COQ4: variants seen among roughly 807,000 people sequenced by gnomAD.
The protein encoded by COQ4 is ubiquinone biosynthesis protein COQ4 homolog, mitochondrial.
A neutral mutation model predicts 30.2 loss-of-function variants in COQ4; 36 were observed. The ratio of observed to expected loss-of-function variants is 1.19; its 90% CI spans 0.91 to 1.57. The LOEUF (loss-of-function observed/expected upper bound fraction) is 1.57. Among genes scored for constraint, COQ4 ranks in the 40% most tolerant of loss-of-function variants. The pLI is 0.00. For synonymous variants in COQ4, 197 were observed against 161.0 expected (o/e 1.22, Z -1.69); for missense variants, 369 against 371.9 (o/e 0.99, Z 0.07).
intron 5 of COQ4, 104 bp from the exon 6 acceptor site, chr9:128,332,746 G>C: frequency 4.4e-6 from 4 of 913,234 alleles, no homozygotes; most frequent in African/African-American, 1.6e-5. Flanking sequence ...AGCTGACCCC[G>C]TAGAGATTAG....
intron 4 of COQ4, chr9:128,326,168 T>G: frequency 1.8e-6 from 1 of 565,586 alleles, no homozygotes; most frequent in African/African-American, 1.9e-5. Flanking sequence ...GTATGTTCTA[T>G]TATTATCCTC....
chr9:128,322,902 TCCCGGGC>T lies in COQ4; in HGVS notation c.46_52del (p.Pro16TyrfsTer56). On this transcript the variant is annotated frameshift_variant, in exon 1 of 7. Coordinates refer to ENST00000300452, the MANE Select transcript of COQ4 (RefSeq NM_016035.5). LOFTEE classifies it high-confidence loss of function. ...CCTGTCCTCCGTCGGCTCTGCGGGC[TCCCGGGC>T]CTACAGCGGCCTGCGGCAGGCAAGT... is the stretch of plus-strand genomic sequence containing the variant. 1 of 1,595,970 alleles carries T rather than the reference TCCCGGGC, an allele frequency of 6.3e-7. No homozygotes were observed. The highest frequency in any genetic ancestry group is 8.5e-7 in the Non-Finnish European group (1 of 1,175,424).
chr9:128,323,045 G>A lies in COQ4; in HGVS notation c.100G>A (p.Ala34Thr), dbSNP rs1384403987. ...GCCCCTCCGGGCTAGGAGCGACGGC[G>A]CCGGCCCGCTATACTCGCACCACCT... ...EMPLRARSDG[A>T]GPLYSHHLPT... is the part of the protein sequence containing the mutation. Residue 34 changes from alanine (A) to threonine (T), a missense_variant, in exon 2 of 7, where the codon GCC becomes ACC. Ala to Thr is a moderately conservative substitution (Grantham distance 58, BLOSUM62 0). Coordinates refer to ENST00000300452, the MANE Select transcript of COQ4 (RefSeq NM_016035.5). 3.1e-6 allele frequency: 5 copies of A among 1,611,918 alleles called. No individual in the cohort carries two copies. The highest frequency in any genetic ancestry group is 1.1e-5 in the South Asian group (1 of 91,066).
In COQ4 at chr9:128,325,180, C is replaced by G. The variant is rs751428679; in HGVS notation, c.240C>G (p.Arg80=). The G allele has an allele frequency of 1.2e-6, 2 of 1,614,166 alleles. No individual in the cohort carries two copies. Among genetic ancestry groups the G allele is most frequent in the South Asian group, 2.2e-5 (2 of 91,080 alleles). ...VAVLGETTGH[R]TLKVLRDQMR... ...TTCTAGGGGAGACCACAGGACACCG[C>G]ACCCTGAAGGTCCTCAGGGACCAGA... Residue 80 remains arginine, a synonymous_variant, in exon 3 of 7, where the codon CGC becomes CGG. Coordinates refer to ENST00000300452, the MANE Select transcript of COQ4 (RefSeq NM_016035.5).
At position 128,332,145 on chromosome 9, in the gene COQ4, G is replaced by T; in HGVS notation, c.403-8G>T. ...GGAAGGGTTCTAGGGGAGGCTCATG[G>T]TTGTCAGAGGGTCTCCCCAGACACC... On this transcript the variant is annotated splice_region_variant and splice_polypyrimidine_tract_variant and intron_variant, in intron 4 of 6. Coordinates refer to ENST00000300452, the MANE Select transcript of COQ4 (RefSeq NM_016035.5). 5 of 1,559,952 alleles carry T rather than the reference G, an allele frequency of 3.2e-6. No homozygotes were observed. Among genetic ancestry groups the T allele is most frequent in the Non-Finnish European group, 4.3e-6 (5 of 1,151,630 alleles).
intron 4 of COQ4, among the ~76,000 whole-genome samples, chr9:128,326,646 T>G (rs1171730148): frequency 6.6e-6 from 1 of 151,930 alleles, no homozygotes; most frequent in Non-Finnish European, 1.5e-5. Flanking sequence ...GGTTTCACCG[T>G]GCTAGCCAGG....
At position 128,322,851 on chromosome 9, in the gene COQ4, C is replaced by A; in HGVS notation, c.-8C>A. The A allele has an allele frequency of 1.3e-6, 2 of 1,548,902 alleles. No individual in the cohort carries two copies. Among genetic ancestry groups the A allele is most frequent in the Admixed American group, 4.0e-5 (2 of 50,172 alleles). On this transcript the variant is annotated 5_prime_UTR_variant, in exon 1 of 7. Transcript: ENST00000300452. ...GTACCCGCCCATCCTCCGCGGACGCCCGCTGCCATGGCGACTCTGCTGCGC... is the reference window on the plus strand; with the variant it reads ...GTACCCGCCCATCCTCCGCGGACGCACGCTGCCATGGCGACTCTGCTGCGC...
intron 5 of COQ4, chr9:128,332,510 G>T: frequency 1.7e-6 from 1 of 598,570 alleles, no homozygotes; most frequent in Non-Finnish European, 2.9e-6. Context: ...GGCTCCTGGT[G>T]TCTTTTTAGG....
In COQ4 at chr9:128,332,251, C is replaced by T. The variant is rs2131234837; in HGVS notation, c.501C>T (p.His167=). The T allele has an allele frequency of 6.2e-7, 1 of 1,613,396 alleles. No individual in the cohort carries two copies. Among genetic ancestry groups the T allele is most frequent in the South Asian group, 1.1e-5 (1 of 90,934 alleles). Residue 167 remains histidine, a synonymous_variant, in exon 5 of 7, where the codon CAC becomes CAT. Transcript: ENST00000300452. Reference sequence around the variant, plus strand: ...ACCGGGAGGTGCACGACATGCTTCACACCCTGCTGGGGATGCCCACCAACA... The same window carrying T: ...ACCGGGAGGTGCACGACATGCTTCATACCCTGCTGGGGATGCCCACCAACA... ...QRYREVHDML[H]TLLGMPTNIL...
At chr9:128,332,075 ACGGTGT>A in intron 4 of COQ4, 72 bp from the exon 5 acceptor site, 4 of 1,485,282 alleles carry the variant, frequency 2.7e-6, no homozygotes, top group Non-Finnish European at 3.6e-6. Flanking sequence ...GAGAGTTGTG[ACGGTGT>A]CAGAGACAGA....
At position 128,325,196 on chromosome 9, in the gene COQ4, AG is replaced by A; in HGVS notation, c.259del (p.Asp87ThrfsTer3). 6.2e-7 allele frequency: 1 copy of A among 1,614,168 alleles called. No homozygotes were observed. Among genetic ancestry groups the A allele is most frequent in the East Asian group, 2.2e-5 (1 of 44,888 alleles). On this transcript the variant is annotated frameshift_variant, in exon 3 of 7. Coordinates refer to ENST00000300452, the MANE Select transcript of COQ4 (RefSeq NM_016035.5). LOFTEE classifies it high-confidence loss of function. ...AGGACACCGCACCCTGAAGGTCCTC[AG>A]GGACCAGATGAGGAGGGATCCAGAG... ...TTGHRTLKVL[R>X]DQMRRDPEGA...
intron 2 of COQ4, among the ~76,000 whole-genome samples, chr9:128,324,023 G>C (rs1346183058): frequency 1.3e-5 from 2 of 152,142 alleles, no homozygotes; most frequent in Non-Finnish European, 1.5e-5. Flanking sequence ...TTGCTCTGTG[G>C]CCCACGCTGG....
chr9:128,323,154 C>T lies in COQ4; in HGVS notation c.202+7C>T. Reference sequence around the variant, plus strand: ...TATAACCCCTACCGCCACGGTAAGGCCGCCCGCGCCTCGCCCCCGTGGGGG... The same window carrying T: ...TATAACCCCTACCGCCACGGTAAGGTCGCCCGCGCCTCGCCCCCGTGGGGG... On this transcript the variant is annotated splice_region_variant and intron_variant, in intron 2 of 6. Transcript: ENST00000300452. The T allele has an allele frequency of 6.3e-7, 1 of 1,580,940 alleles. No homozygotes were observed. The highest frequency in any genetic ancestry group is 8.6e-7 in the Non-Finnish European group (1 of 1,168,178).
intron 4 of COQ4, chr9:128,330,800 A>G (rs1371458262): frequency 6.6e-6 from 1 of 150,754 alleles, no homozygotes; most frequent in Admixed American, 6.6e-5. Context: ...GTTTAGCCCA[A>G]TATATCCAAA....
In COQ4 at chr9:128,325,146, TG is replaced by T. The variant is rs773713042; in HGVS notation, c.208del (p.Val70SerfsTer4). 81 of 1,612,372 alleles carry T rather than the reference TG, an allele frequency of 5.0e-5. No homozygotes were observed. The highest frequency in any genetic ancestry group is 5.1e-6 in the Non-Finnish European group (6 of 1,178,946). ...GTGCCCGTTTCTGTCCTTTCAGACA[TG>T]GTCGCAGTTCTAGGGGAGACCACAG... ...MALYNPYRHD[M>X]VAVLGETTGH... On this transcript the variant is annotated frameshift_variant, in exon 3 of 7. Coordinates refer to ENST00000300452, the MANE Select transcript of COQ4 (RefSeq NM_016035.5). LOFTEE classifies it high-confidence loss of function.
chr9:128,333,109 G>A (rs969649088), intron 6 of COQ4, among the ~76,000 whole-genome samples, 166 bp downstream of exon 6: 1 of 152,158 alleles, frequency 6.6e-6, no homozygotes, highest in Non-Finnish European at 1.5e-5. Flanking sequence ...TGTGAAACTG[G>A]CCTGGGGCAA....
At chr9:128,323,267 G>T (rs1164482795) in intron 2 of COQ4, 120 bp downstream of exon 2, 2 of 1,001,360 alleles carry the variant, frequency 2.0e-6, no homozygotes, top group Non-Finnish European at 2.8e-6. Flanking sequence ...CACTCGGAAC[G>T]TTTATGAAAA....
Position 128,325,830 on chromosome 9 carries a change from C to G in COQ4, c.351C>G (p.Ser117Arg), listed in dbSNP as rs1203173568. The change falls in exon 4 of 7, where the codon AGC becomes AGG. Residue 117 changes from serine (S) to arginine (R), a missense_variant. Coordinates refer to ENST00000300452, the MANE Select transcript of COQ4 (RefSeq NM_016035.5). ...TSTLDLGKLQ[S>R]LPEGSLGREY... ...CCCTCGACCTGGGCAAGCTCCAGAG[C>G]CTGCCGGAAGGCTCCCTCGGTCGCG... 48 of 1,614,226 alleles carry G rather than the reference C, an allele frequency of 3.0e-5. No individual in the cohort carries two copies. The highest frequency in any genetic ancestry group is 4.1e-5 in the Non-Finnish European group (48 of 1,180,046).
In COQ4 at chr9:128,326,973, C is replaced by T. The variant is rs546211875; in HGVS notation, c.402+1092C>T. On this transcript the variant is annotated intron_variant, in intron 4 of 6. Coordinates refer to ENST00000300452, the MANE Select transcript of COQ4 (RefSeq NM_016035.5). Reference sequence around the variant, plus strand: ...ATATTAACCAGGCTGGTCTTGAACTCCTGACCTCAAGTGATCCACCTGCCT... The same window carrying T: ...ATATTAACCAGGCTGGTCTTGAACTTCTGACCTCAAGTGATCCACCTGCCT... Among the ~76,000 whole-genome samples the T allele has an allele frequency of 3.9e-5, 6 of 151,964 alleles. No homozygotes were observed. In the South Asian group the frequency reaches 1.2e-3, roughly 32 times the overall value.
Sources: gnomAD v4.1 joint callset for allele counts (sites outside exome capture counted in the v4.1 genomes callset) on GRCh38, gnomAD v4.1.1 for gene constraint, MANE v1.5 for transcripts, NCBI Gene and HGNC (gene_info 2026-07-23, HGNC 2026-07-21) for gene names.